Variants in CDC42BPB observed in about 807,000 individuals in gnomAD.
CDC42BPB encodes the protein CDC42 binding protein kinase beta, also known as serine/threonine-protein kinase MRCK beta.
CDC42BPB carries 37 observed loss-of-function variants against 214.9 expected under a neutral mutation model. That is an observed-to-expected ratio of 0.17 (90% CI 0.13 to 0.23). The LOEUF (loss-of-function observed/expected upper bound fraction) is 0.23. CDC42BPB is among the 10% of genes least tolerant of loss of function. CDC42BPB has a pLI of 1.00. For synonymous variants in CDC42BPB, 931 were observed against 884.0 expected (o/e 1.05, Z -0.94); for missense variants, 1,694 against 2,227.0 (o/e 0.76, Z 4.82).
At chr14:103,053,223 C>A (rs1395331212) in intron 1 of CDC42BPB, among the ~76,000 whole-genome samples, 2 of 151,912 alleles carry the variant, frequency 1.3e-5, no homozygotes, top group East Asian at 3.9e-4. Flanking sequence ...TGGCAGGCAC[C>A]TATAATCCCA....
At chr14:103,053,162 A>G (rs1291306746) in intron 1 of CDC42BPB, among the ~76,000 whole-genome samples, 1 of 151,982 alleles carries the variant, frequency 6.6e-6, no homozygotes, top group African/African-American at 2.4e-5. Flanking sequence ...AGCCTGGCCA[A>G]GATGGTGAAA....
At position 103,004,394 on chromosome 14, in the gene CDC42BPB, A is replaced by ACT. The variant is rs1895137568; in HGVS notation, c.352-372_352-371insAG. The ACT allele has an allele frequency of 4.9e-6, 1 of 203,436 alleles. No homozygotes were observed. The highest frequency in any genetic ancestry group is 9.5e-5 in the South Asian group (1 of 10,498). The allele number at this position is 203,436 out of a possible 1,614,324, so 12.6% of individuals were successfully genotyped here. Reference sequence around the variant, plus strand: ...TCTGCCAAGTATCGATGGCATGGGCAGCCCCACGTGTCTGCCCTCTCCGTC... The same window carrying ACT: ...TCTGCCAAGTATCGATGGCATGGGCACTGCCCCACGTGTCTGCCCTCTCCGTC... On this transcript the variant is annotated intron_variant, in intron 3 of 36. Transcript: ENST00000361246. The surrounding 1 kb of genome is among the most constrained non-coding windows in gnomAD (Gnocchi z 5.3).
rs1374130236 is a variant in CDC42BPB at position 102,944,947 on chromosome 14, C to T, written c.3812-460G>A. On this transcript the variant is annotated intron_variant, in intron 29 of 36. Coordinates refer to ENST00000361246, the MANE Select transcript of CDC42BPB (RefSeq NM_006035.4). This position sits in a 1 kb window ranked among gnomAD's most constrained non-coding sequence, Gnocchi z 6.6. ...CCCTGAGACAAATCCTCTGAAGACG[C>T]TGCCCTCACAGGGCCCCCAGTGAAG... is the stretch of plus-strand genomic sequence containing the variant. Among the ~76,000 whole-genome samples the T allele has an allele frequency of 6.6e-6, 1 of 152,208 alleles. No individual in the cohort carries two copies. Among genetic ancestry groups the T allele is most frequent in the Non-Finnish European group, 1.5e-5 (1 of 68,022 alleles).
At position 103,005,294 on chromosome 14, in the gene CDC42BPB, A is replaced by G. The variant is rs1366224735; in HGVS notation, c.352-1271T>C. On this transcript the variant is annotated intron_variant, in intron 3 of 36. Transcript: ENST00000361246. Reference sequence around the variant, plus strand: ...TCAAGCTTAACAAAAATATAAGTACATTACGGAGAGCTTGCTATGTGAGGC... The same window carrying G: ...TCAAGCTTAACAAAAATATAAGTACGTTACGGAGAGCTTGCTATGTGAGGC... Among the ~76,000 whole-genome samples, 4 of 152,242 alleles carry G rather than the reference A, an allele frequency of 2.6e-5. No individual in the cohort carries two copies. The East Asian group carries it at 5.8e-4, about 22-fold the overall frequency.
At position 102,948,905 on chromosome 14, in the gene CDC42BPB, G is replaced by A. The variant is rs535296405; in HGVS notation, c.3449+860C>T. 6.4e-3 allele frequency among the ~76,000 whole-genome samples: 967 copies of A among 151,624 alleles called. 15 individuals carry two copies. Among genetic ancestry groups the A allele is most frequent in the African/African-American group, 0.021 (874 of 41,418 alleles). ...ACAGCCAGGGACTGGCGGGTGCCCCGGGGGAAGGGACATGGAAAGTGGAGT... is the reference window on the plus strand; with the variant it reads ...ACAGCCAGGGACTGGCGGGTGCCCCAGGGGAAGGGACATGGAAAGTGGAGT... On this transcript the variant is annotated intron_variant, in intron 26 of 36. Coordinates refer to ENST00000361246, the MANE Select transcript of CDC42BPB (RefSeq NM_006035.4).
chr14:102,964,398 C>T, intron 19 of CDC42BPB, 104 bp downstream of exon 19: 9 of 1,391,116 alleles, frequency 6.5e-6, no homozygotes, highest in Non-Finnish European at 7.8e-6. Flanking sequence ...ACGCCGTGGC[C>T]CCGATTTTCC....
intron 36 of CDC42BPB, among the ~76,000 whole-genome samples, chr14:102,937,453 G>A (rs998661818): frequency 3.0e-4 from 45 of 152,238 alleles, no homozygotes; most frequent in African/African-American, 1.1e-3. Context: ...TCTCAGTGCT[G>A]GGGCTGAGAT....
Position 102,938,301 on chromosome 14 carries a change from T to G in CDC42BPB, c.4933+5A>C. 6.2e-7 allele frequency: 1 copy of G among 1,607,744 alleles called. No homozygotes were observed. Among genetic ancestry groups the G allele is most frequent in the East Asian group, 2.2e-5 (1 of 44,824 alleles). On this transcript the variant is annotated splice_donor_5th_base_variant and intron_variant, in intron 35 of 36. Coordinates refer to ENST00000361246, the MANE Select transcript of CDC42BPB (RefSeq NM_006035.4). Reference sequence around the variant, plus strand: ...AGGGCTGCGGGGGCCAGGCTTCCCCTGTACCTGATGAGGGCCACGAGATGT... The same window carrying G: ...AGGGCTGCGGGGGCCAGGCTTCCCCGGTACCTGATGAGGGCCACGAGATGT...
Position 102,963,320 on chromosome 14 carries a change from T to C in CDC42BPB, c.2727-165A>G, listed in dbSNP as rs1893042021. 4.1e-6 allele frequency: 4 copies of C among 979,922 alleles called. No individual in the cohort carries two copies. In the South Asian group the frequency reaches 1.9e-4, roughly 46 times the overall value. The allele number at this position is 979,922 out of a possible 1,614,324, so 60.7% of individuals were successfully genotyped here. A position where few individuals can be genotyped will look rare whatever the true frequency, so the allele number is the denominator to read the frequency against. ...TTTCTACTGCAAACACCATGAACAG[T>C]ACGAATATTTCAAATATAAACATTC... On this transcript the variant is annotated intron_variant, in intron 19 of 36. Transcript: ENST00000361246.
chr14:103,011,380 C>CT (rs1886149947), intron 2 of CDC42BPB, among the ~76,000 whole-genome samples: 1 of 152,248 alleles, frequency 6.6e-6, no homozygotes, highest in South Asian at 2.1e-4. Flanking sequence ...TCGACCCTCT[C>CT]TGTGTTTTTT....
Position 102,944,416 on chromosome 14 carries a change from G to T in CDC42BPB, c.3883C>A (p.Leu1295Ile), listed in dbSNP as rs765175299. ...ELAPREKIVI[L>I]LCGRNHHVHL... The stretch of plus-strand genomic sequence containing the variant: ...ACATGGTGGTTCCGGCCACAGAGGA[G>T]GATTACGATCTTCTCCCTGGGAGCA... The change falls in exon 30 of 37, where the codon CTC becomes ATC. Residue 1295 changes from leucine to isoleucine, a missense_variant. This residue lies in a region of CDC42BPB where 567 missense variants were observed against 790.3 expected (regional missense o/e 0.72). Transcript: ENST00000361246. This position sits in a 1 kb window ranked among gnomAD's most constrained non-coding sequence, Gnocchi z 6.6. The T allele has an allele frequency of 7.0e-5, 113 of 1,613,060 alleles. No homozygotes were observed. The highest frequency in any genetic ancestry group is 1.6e-4 in the Middle Eastern group (1 of 6,062).
intron 1 of CDC42BPB, among the ~76,000 whole-genome samples, chr14:103,026,452 T>C (rs1357276051): frequency 2.0e-5 from 3 of 152,120 alleles, no homozygotes; most frequent in Admixed American, 1.3e-4. Flanking sequence ...GATTAGGCAA[T>C]GGATTCTTAC....
intron 1 of CDC42BPB, among the ~76,000 whole-genome samples, chr14:103,022,578 A>C (rs961676159): frequency 2.0e-5 from 3 of 152,106 alleles, no homozygotes; most frequent in Admixed American, 2.0e-4. Flanking sequence ...ACAAACAAAA[A>C]CACCACTCAT....
chr14:103,009,400 G>A (rs1262637591), intron 2 of CDC42BPB, among the ~76,000 whole-genome samples: 2 of 152,180 alleles, frequency 1.3e-5, no homozygotes, highest in African/African-American at 4.8e-5. Flanking sequence ...AGCTGCGGGG[G>A]ATTTCTAAAA....
rs775500751 is a variant in CDC42BPB, at chr14:103,008,563, G to A, written c.268-8C>T. 9.4e-6 allele frequency: 15 copies of A among 1,601,038 alleles called. No individual in the cohort carries two copies. Among genetic ancestry groups the A allele is most frequent in the Non-Finnish European group, 1.2e-5 (14 of 1,168,152 alleles). ...CATTTTGACAACAGCAACCTGCAGT[G>A]CAAATGTGAGTTGAACAAAGATGCG... On this transcript the variant is annotated splice_region_variant and splice_polypyrimidine_tract_variant and intron_variant, in intron 2 of 36. Transcript: ENST00000361246.
rs577553603 is a variant in CDC42BPB at position 103,020,134 on chromosome 14, T to C, written c.176-7946A>G. Among the ~76,000 whole-genome samples, 6 of 152,342 alleles carry C rather than the reference T, an allele frequency of 3.9e-5. No individual in the cohort carries two copies. The South Asian group carries it at 1.0e-3, about 26-fold the overall frequency. ...GCCTCCCCCTGGATGGTTCTGTTCA[T>C]CCGTGCCACCCTGACTGTTTGGGCC... On this transcript the variant is annotated intron_variant, in intron 1 of 36. Coordinates refer to ENST00000361246, the MANE Select transcript of CDC42BPB (RefSeq NM_006035.4).
Position 103,057,373 on chromosome 14 carries a change from GCCCCGCGGGTCCAT to G in CDC42BPB, c.-214_-201del. 3.1e-6 allele frequency: 3 copies of G among 981,560 alleles called. No homozygotes were observed. The highest frequency in any genetic ancestry group is 3.6e-6 in the Non-Finnish European group (3 of 822,758). 60.8% of individuals were successfully genotyped at this position (981,560 alleles called of 1,614,324 possible). On this transcript the variant is annotated 5_prime_UTR_variant, in exon 1 of 37. An upstream start codon of the reference 5' UTR is lost. Transcript: ENST00000361246. ...GACGGCGCAGAGTCTGGGGCGCCGG[GCCCCGCGGGTCCAT>G]GGGCCGCTCTCCTCCCCTCGGCGCC... is the stretch of plus-strand genomic sequence containing the variant.
At chr14:103,013,056 T>C (rs1264057397) in intron 1 of CDC42BPB, among the ~76,000 whole-genome samples, 1 of 152,226 alleles carries the variant, frequency 6.6e-6, no homozygotes, top group Non-Finnish European at 1.5e-5. Context: ...CACAACAGTA[T>C]ACTTCAGTAT....
In CDC42BPB at chr14:103,034,367, T is replaced by C. The variant is rs1887551206; in HGVS notation, c.176-22179A>G. 1.3e-5 allele frequency among the ~76,000 whole-genome samples: 2 copies of C among 152,110 alleles called. 1 individual carries two copies. Among genetic ancestry groups the C allele is most frequent in the South Asian group, 4.1e-4 (2 of 4,832 alleles). On this transcript the variant is annotated intron_variant, in intron 1 of 36. Transcript: ENST00000361246. ...CCTTATCTCATTTTAAAAATACACA[T>C]TTAAAAAACAGTAAAAATGAAAACA...
Sources: allele counts gnomAD v4.1 joint callset (sites outside exome capture counted in the v4.1 genomes callset), GRCh38; gene constraint gnomAD v4.1.1; regional missense constraint gnomAD v4.1.1; non-coding constraint Gnocchi (gnomAD v3.1); transcripts MANE v1.5; gene names NCBI Gene and HGNC (gene_info 2026-07-23, HGNC 2026-07-21).